EPHA10: variants seen among roughly 807,000 people sequenced by gnomAD.
The protein encoded by EPHA10 is EPH receptor A10.
In EPHA10, 120 loss-of-function variants were observed where a neutral mutation model predicts 109.7. The observed-to-expected ratio is 1.09, with a 90% CI of 0.94 to 1.27. The LOEUF (loss-of-function observed/expected upper bound fraction) is 1.27, where lower values mean the gene tolerates loss of function less well. Among genes scored for constraint, EPHA10 ranks in the 50% most tolerant of loss-of-function variants. The pLI, the probability that EPHA10 is intolerant of heterozygous loss-of-function variation, is 0.00. For missense variants in EPHA10, 1,396 were observed against 1,411.1 expected, an observed-to-expected ratio of 0.99 and a Z score of 0.17; for synonymous variants, 640 against 618.9, an observed-to-expected ratio of 1.03 and a Z score of -0.51.
In EPHA10 at chr1:37,718,430, C is replaced by T. The variant is rs759515857; in HGVS notation, c.2969G>A (p.Gly990Glu). 1.2e-6 allele frequency: 2 copies of T among 1,613,272 alleles called. No individual in the cohort carries two copies. Among genetic ancestry groups the T allele is most frequent in the Admixed American group, 1.7e-5 (1 of 60,006 alleles). Residue 990 changes from glycine to glutamate, a missense_variant, in exon 17 of 17, where the codon GGG becomes GAG. Physicochemically the swap from Gly to Glu is moderately conservative, Grantham distance 98 (BLOSUM62 -2). Coordinates refer to ENST00000373048, the MANE Select transcript of EPHA10 (RefSeq NM_001099439.2). ...LAEHREALLSGISALQARVLQ... is the reference protein window; with the variant it reads ...LAEHREALLSEISALQARVLQ... ...CACTCGTGCCTGCAGGGCGCTGATC[C>T]CGCTGAGGAGGGCCTCTCGATGTTC...
chr1:37,722,989 G>T, intron 10 of EPHA10, 52 bp downstream of exon 10: 1 of 1,613,312 alleles, frequency 6.2e-7, no homozygotes, highest in Non-Finnish European at 8.5e-7. Flanking sequence ...GGGGCCTATA[G>T]AGTGGGTGAG....
chr1:37,761,500 G>T lies in EPHA10; in HGVS notation c.755C>A (p.Pro252Gln), dbSNP rs746044086. The change falls in exon 3 of 17, where the codon CCA (proline) becomes CAA (glutamine). Residue 252 changes from proline to glutamine, a missense_variant. By Grantham distance (76) the Pro-to-Gln change is moderately conservative (BLOSUM62 -1). Coordinates refer to ENST00000373048, the MANE Select transcript of EPHA10 (RefSeq NM_001099439.2). ...GCCGTCGGCGCCGCAGTGCATGCGT[G>T]GGGGGCTGCCAGGCTCCCCTTCCGA... ...AHSEGEPGSP[P>Q]RMHCGADGEW... The T allele has an allele frequency of 6.9e-6, 11 of 1,599,726 alleles. No individual in the cohort carries two copies. Among genetic ancestry groups the T allele is most frequent in the East Asian group, 2.2e-5 (1 of 44,804 alleles).
In EPHA10 at chr1:37,735,515, A is replaced by G. The variant is rs911159085; in HGVS notation, c.1358-125T>C. ...CTAGAGAGGCCTGGGGCGTGGTCTA[A>G]CGGGCTGTGGGCGGGGCTAGGGAAC... On this transcript the variant is annotated intron_variant, in intron 5 of 16. Transcript: ENST00000373048. The G allele has an allele frequency of 1.6e-5, 19 of 1,173,470 alleles. No homozygotes were observed. The African/African-American group carries it at 2.3e-4, about 14-fold the overall frequency. 72.7% of individuals were successfully genotyped at this position (1,173,470 alleles called of 1,614,324 possible).
At chr1:37,722,854 T>A (rs765266406) in intron 10 of EPHA10, 187 bp downstream of exon 10, 6 of 836,778 alleles carry the variant, frequency 7.2e-6, no homozygotes, top group South Asian at 7.1e-5. Flanking sequence ...CTCTTCCCTA[T>A]AATCAGGCAA....
At chr1:37,734,556 A>AAAT (rs924671605) in intron 6 of EPHA10, 6 of 426,458 alleles carry the variant, frequency 1.4e-5, no homozygotes, top group African/African-American at 1.2e-4. Flanking sequence ...ATAAATAAAT[A>AAAT]AATAATAAAG....
chr1:37,751,144 G>A (rs1449415476), intron 5 of EPHA10, among the ~76,000 whole-genome samples: 3 of 140,946 alleles, frequency 2.1e-5, no homozygotes, highest in Admixed American at 7.5e-5. Flanking sequence ...CGCGGAGCTT[G>A]TAGTGAGCCA....
chr1:37,746,777 T>C (rs1329489693), intron 5 of EPHA10, among the ~76,000 whole-genome samples: 1 of 152,234 alleles, frequency 6.6e-6, no homozygotes, highest in Non-Finnish European at 1.5e-5. Context: ...TGGAATGTCA[T>C]TCAGCCATAA....
At chr1:37,748,206 A>G (rs914561371) in intron 5 of EPHA10, among the ~76,000 whole-genome samples, 2 of 152,050 alleles carry the variant, frequency 1.3e-5, no homozygotes, top group Non-Finnish European at 2.9e-5. Context: ...TAAAAATACA[A>G]AAATTAGCTG....
At chr1:37,715,382 C>T (rs1242181570), downstream of EPHA10, among the ~76,000 whole-genome samples, 2 of 152,132 alleles carry the variant, frequency 1.3e-5, no homozygotes, top group East Asian at 3.8e-4. Context: ...AATGGCACAG[C>T]TCCTCCTGGC....
In EPHA10 at chr1:37,719,547, G is replaced by C. The variant is rs774676111; in HGVS notation, c.2623C>G (p.Leu875Val). Residue 875 changes from leucine to valine, a missense_variant, in exon 15 of 17, where the codon CTG becomes GTG. Physicochemically the swap from Leu to Val is conservative, Grantham distance 32. Transcript: ENST00000373048. Reference sequence around the variant, plus strand: ...CAGCAGTCGAGCATTAGTCGGTGCAGAAGGTTAGGACAGTTCCTGGGGGGT... The same window carrying C: ...CAGCAGTCGAGCATTAGTCGGTGCACAAGGTTAGGACAGTTCCTGGGGGGT... Reference protein sequence around the residue: ...LPPPRNCPNLLHRLMLDCWQK... With the variant: ...LPPPRNCPNLVHRLMLDCWQK... 6.2e-7 allele frequency: 1 copy of C among 1,614,030 alleles called. No individual in the cohort carries two copies. The highest frequency in any genetic ancestry group is 1.7e-5 in the Admixed American group (1 of 60,020).
chr1:37,717,283 C>T lies in EPHA10; in HGVS notation c.*1089G>A, dbSNP rs1043885357. On this transcript the variant is annotated 3_prime_UTR_variant, in exon 17 of 17. Transcript: ENST00000373048. ...GCTCCATGGAAGGCTGGGTAGTGCC[C>T]AAGGCACGGAGCTGGCTGGAGGGGA... 1 of 232,948 alleles carries T rather than the reference C, an allele frequency of 4.3e-6. No homozygotes were observed. Among genetic ancestry groups the T allele is most frequent in the South Asian group, 1.8e-4 (1 of 5,528 alleles). 14.4% of individuals were successfully genotyped at this position (232,948 alleles called of 1,614,324 possible). A position where few individuals can be genotyped will look rare whatever the true frequency, so the allele number is the denominator to read the frequency against.
intron 7 of EPHA10, among the ~76,000 whole-genome samples, chr1:37,730,699 C>T (rs570775927): frequency 2.0e-4 from 30 of 149,308 alleles, no homozygotes; most frequent in African/African-American, 6.9e-4. Context: ...CACAATCCTT[C>T]TTTTTTTTTT....
rs1219687054 is a variant in EPHA10 at position 37,761,769 on chromosome 1, C to A, written c.486G>T (p.Thr162=). The change falls in exon 3 of 17, where the codon ACG becomes ACT. Residue 162 remains threonine, a synonymous_variant. Coordinates refer to ENST00000373048, the MANE Select transcript of EPHA10 (RefSeq NM_001099439.2). The stretch of plus-strand genomic sequence containing the variant: ...TCTTGCGCTCACCCAGGTCGCCCTG[C>A]GTGAAGCTCTCGTCCGCCGCGATCG... The part of the protein sequence containing the change: ...IDTIAADESF[T]QGDLGERKMK... 4.3e-6 allele frequency: 7 copies of A among 1,613,686 alleles called. No homozygotes were observed. Among genetic ancestry groups the A allele is most frequent in the African/African-American group, 4.0e-5 (3 of 74,938 alleles).
chr1:37,742,577 A>AGAGGC (rs1646170995), intron 5 of EPHA10, among the ~76,000 whole-genome samples: 8 of 69,064 alleles, frequency 1.2e-4, no homozygotes, highest in Admixed American at 1.8e-4. Flanking sequence ...ATGTGATGAG[A>AGAGGC]ATGGCAGAGT....
intron 3 of EPHA10, chr1:37,760,615 G>C (rs1646421962): frequency 4.0e-6 from 1 of 249,222 alleles, no homozygotes; most frequent in Non-Finnish European, 7.3e-6. Flanking sequence ...CCACTAGCCT[G>C]AAGATTGGGC....
chr1:37,727,245 G>A (rs772132092), intron 7 of EPHA10, 35 bp from the exon 8 acceptor site: 1 of 1,548,780 alleles, frequency 6.5e-7, no homozygotes, highest in Non-Finnish European at 8.8e-7. Flanking sequence ...GGCAGGCAGA[G>A]GACCAGGCTC....
chr1:37,748,096 C>A (rs997206955), intron 5 of EPHA10, among the ~76,000 whole-genome samples: 2 of 152,282 alleles, frequency 1.3e-5, no homozygotes, highest in Admixed American at 6.5e-5. Context: ...CAGTGCCTCA[C>A]GCCTGTAATC....
chr1:37,731,908 C>G (rs1309574720), intron 6 of EPHA10, among the ~76,000 whole-genome samples: 1 of 152,206 alleles, frequency 6.6e-6, no homozygotes, highest in Non-Finnish European at 1.5e-5. Context: ...CCTGTCCATC[C>G]AGGCTAAGCT....
chr1:37,762,032 G>C lies in EPHA10; in HGVS notation c.223C>G (p.Gln75Glu), dbSNP rs529427986. 2.5e-6 allele frequency: 4 copies of C among 1,612,682 alleles called. No individual in the cohort carries two copies. The African/African-American group carries it at 5.3e-5, about 21-fold the overall frequency. The change falls in exon 3 of 17, where the codon CAA becomes GAA. Residue 75 changes from glutamine to glutamate, a missense_variant. Physicochemically the swap from Gln to Glu is conservative, Grantham distance 29. Coordinates refer to ENST00000373048, the MANE Select transcript of EPHA10 (RefSeq NM_001099439.2). ...DEHDRPIRTY[Q>E]VCNVLEPNQD... ...TTGGGCTCCAGCACATTGCACACTT[G>C]GTACGTGCGGATGGGACGGTCGTGT...
Sources: allele counts gnomAD v4.1 joint callset (sites outside exome capture counted in the v4.1 genomes callset), GRCh38; gene constraint gnomAD v4.1.1; transcripts MANE v1.5; gene names NCBI Gene and HGNC (gene_info 2026-07-23, HGNC 2026-07-21).